BIVM: variants seen among roughly 807,000 people sequenced by gnomAD.
BIVM encodes the protein basic, immunoglobulin-like variable motif containing.
A neutral mutation model predicts 61.4 loss-of-function variants in BIVM; 31 were observed. That is an observed-to-expected ratio of 0.51 (90% CI 0.38 to 0.68). The LOEUF (loss-of-function observed/expected upper bound fraction) is 0.68, where lower values mean the gene tolerates loss of function less well. BIVM is among the 30% of genes least tolerant of loss of function. The pLI is 0.00. For missense variants in BIVM, 526 were observed against 596.0 expected (o/e 0.88, Z 1.22); for synonymous variants, 189 against 210.7 (o/e 0.90, Z 0.89).
chr13:102,815,174 TC>T (rs1219185080), intron 3 of BIVM, among the ~76,000 whole-genome samples: 1 of 152,222 alleles, frequency 6.6e-6, no homozygotes, highest in Non-Finnish European at 1.5e-5. Context: ...GTTCCTGAGT[TC>T]CAGCTGTTCG....
At chr13:102,822,201 A>G (rs757700763) in intron 7 of BIVM, 42 bp downstream of exon 7, 190 of 1,557,696 alleles carry the variant, frequency 1.2e-4, no homozygotes, top group Middle Eastern at 2.0e-4. Flanking sequence ...ACATACACAC[A>G]TGCACACACA....
At chr13:102,831,001 T>C (rs1179903809) in intron 7 of BIVM, among the ~76,000 whole-genome samples, 1 of 152,214 alleles carries the variant, frequency 6.6e-6, no homozygotes, top group Non-Finnish European at 1.5e-5. Context: ...TTTGCATTTT[T>C]AGAACTTGAT....
chr13:102,804,741 T>G (rs1271317817), intron 1 of BIVM, among the ~76,000 whole-genome samples: 1 of 152,216 alleles, frequency 6.6e-6, no homozygotes, highest in Non-Finnish European at 1.5e-5. Flanking sequence ...ATTACAGGCA[T>G]GAGCCACCAC....
rs56733171 is a variant in BIVM, at chr13:102,823,882, T to C, written c.901+1723T>C. 6.3e-3 allele frequency among the ~76,000 whole-genome samples: 963 copies of C among 152,340 alleles called. 7 individuals are homozygous for C. Among genetic ancestry groups the C allele is most frequent in the African/African-American group, 0.022 (897 of 41,576 alleles). ...TTAAATCTATTGAAACTTTTTCCTC[T>C]GTATTTGGTGTAATGTAGGAAATGT... On this transcript the variant is annotated intron_variant, in intron 7 of 10. Transcript: ENST00000257336.
chr13:102,837,351 T>C (rs1881549211), intron 9 of BIVM, among the ~76,000 whole-genome samples: 1 of 152,254 alleles, frequency 6.6e-6, no homozygotes, highest in Admixed American at 6.5e-5. Context: ...TATCTTTACT[T>C]AATTAGAGCT....
intron 3 of BIVM, among the ~76,000 whole-genome samples, chr13:102,810,050 G>C (rs566458475): frequency 6.6e-6 from 1 of 151,918 alleles, no homozygotes; most frequent in East Asian, 2.0e-4. Context: ...TGGGATTACA[G>C]GCGTGAGCCA....
intron 4 of BIVM, among the ~76,000 whole-genome samples, chr13:102,818,143 C>G (rs1441828293): frequency 6.6e-6 from 1 of 152,110 alleles, no homozygotes; most frequent in Non-Finnish European, 1.5e-5. Context: ...GGTGAAGGGT[C>G]TTTGAAAGAA....
intron 3 of BIVM, 75 bp from the exon 4 acceptor site, chr13:102,816,353 G>T (rs1050990527): frequency 4.4e-6 from 6 of 1,350,740 alleles, no homozygotes; most frequent in South Asian, 1.6e-5. Flanking sequence ...CTTAATTTTG[G>T]TGCATAATTA....
chr13:102,833,327 GTT>G (rs532303115), intron 8 of BIVM, among the ~76,000 whole-genome samples: 12 of 79,592 alleles, frequency 1.5e-4, no homozygotes, highest in East Asian at 3.5e-4. Flanking sequence ...GATAGGATGG[GTT>G]TTTTTTTTTT....
Position 102,824,934 on chromosome 13 carries a change from T to TTTAA in BIVM, c.901+2790_901+2793dup, listed in dbSNP as rs199619934. Reference sequence around the variant, plus strand: ...GCCACTGCACCTGGCTAATTTTTAATTTAATTAATTAATTAATTTTTTTTT... The same window carrying TTTAA: ...GCCACTGCACCTGGCTAATTTTTAATTTAATTAATTAATTAATTAATTTTTTTTT... On this transcript the variant is annotated intron_variant, in intron 7 of 10. Transcript: ENST00000257336. Among the ~76,000 whole-genome samples, 465 of 141,824 alleles carry TTTAA rather than the reference T, an allele frequency of 3.3e-3. 4 individuals carry two copies. The highest frequency in any genetic ancestry group is 0.011 in the African/African-American group (394 of 37,006). The allele number at this position is 141,824 out of a possible 152,430, so 93.0% of individuals were successfully genotyped here. A position where few individuals can be genotyped will look rare whatever the true frequency, so the allele number is the denominator to read the frequency against.
chr13:102,821,351 T>C (rs1270115518), intron 5 of BIVM, among the ~76,000 whole-genome samples: 1 of 152,170 alleles, frequency 6.6e-6, no homozygotes, highest in Non-Finnish European at 1.5e-5. Flanking sequence ...GTCAGCACTT[T>C]GGAAGGCCAA....
In BIVM at chr13:102,834,500, T is replaced by C. The variant is rs1881332330; in HGVS notation, c.1069T>C (p.Trp357Arg). 6.3e-7 allele frequency: 1 copy of C among 1,596,040 alleles called. No homozygotes were observed. Among genetic ancestry groups the C allele is most frequent in the Non-Finnish European group, 8.5e-7 (1 of 1,174,746 alleles). The change falls in exon 9 of 11, where the codon TGG becomes CGG. Residue 357 changes from tryptophan to arginine, a missense_variant. By Grantham distance (101) the Trp-to-Arg change is moderately radical (BLOSUM62 -3). Transcript: ENST00000257336. ...GPLSPQEVEY[W>R]ILIGESSRKH... Reference sequence around the variant, plus strand: ...TCTCTCACCACAGGAAGTTGAATATTGGATCTTAATTGGAGAATCAAGTAG... The same window carrying C: ...TCTCTCACCACAGGAAGTTGAATATCGGATCTTAATTGGAGAATCAAGTAG...
intron 1 of BIVM, among the ~76,000 whole-genome samples, chr13:102,799,808 G>A (rs1878623596): frequency 6.6e-6 from 1 of 152,250 alleles, no homozygotes; most frequent in South Asian, 2.1e-4. Flanking sequence ...GAAGCGCCAG[G>A]GAAAGAAGGG....
Position 102,839,968 on chromosome 13 carries a change from A to T in BIVM, c.*103A>T. 1 of 1,246,752 alleles carries T rather than the reference A, an allele frequency of 8.0e-7. No homozygotes were observed. Among genetic ancestry groups the T allele is most frequent in the East Asian group, 2.3e-5 (1 of 42,690 alleles). The allele number at this position is 1,246,752 out of a possible 1,614,324, so 77.2% of individuals were successfully genotyped here. A position where few individuals can be genotyped will look rare whatever the true frequency, so the allele number is the denominator to read the frequency against. On this transcript the variant is annotated 3_prime_UTR_variant, in exon 11 of 11. Transcript: ENST00000257336. Reference sequence around the variant, plus strand: ...TAGTAAGCCTACATTAAATAGGAGCAGATCTTGTGGTATAAAAAATAACCT... The same window carrying T: ...TAGTAAGCCTACATTAAATAGGAGCTGATCTTGTGGTATAAAAAATAACCT...
intron 3 of BIVM, among the ~76,000 whole-genome samples, chr13:102,815,181 G>A (rs1748519202): frequency 6.6e-6 from 1 of 152,142 alleles, no homozygotes; most frequent in Non-Finnish European, 1.5e-5. Flanking sequence ...AGTTCCAGCT[G>A]TTCGTAGGTG....
intron 7 of BIVM, among the ~76,000 whole-genome samples, chr13:102,825,298 A>G (rs1011516861): frequency 6.6e-6 from 1 of 150,672 alleles, no homozygotes; most frequent in African/African-American, 2.5e-5. Flanking sequence ...GGGGCTCACT[A>G]TATTGCCCAG....
intron 3 of BIVM, among the ~76,000 whole-genome samples, chr13:102,810,919 T>TA (rs2139164661): frequency 6.6e-6 from 1 of 152,196 alleles, no homozygotes; most frequent in African/African-American, 2.4e-5. Flanking sequence ...TTTGTAGAGA[T>TA]AGAGTCTCAC....
intron 6 of BIVM, 87 bp from the exon 7 acceptor site, chr13:102,821,978 G>C (rs1304842615): frequency 6.4e-7 from 1 of 1,550,962 alleles, no homozygotes; most frequent in East Asian, 2.2e-5. Context: ...ACCAACTTTG[G>C]GCTATGCCTG....
Position 102,822,157 on chromosome 13 carries a change from C to G in BIVM, c.899C>G (p.Thr300Ser), listed in dbSNP as rs144626485. 2.9e-5 allele frequency: 47 copies of G among 1,613,186 alleles called. No individual in the cohort carries two copies. The African/African-American group carries it at 5.2e-4, about 18-fold the overall frequency. Reference protein sequence around the residue: ...PHGKNKTAGETASGALSKLTR... With the variant: ...PHGKNKTAGESASGALSKLTR... Reference sequence around the variant, plus strand: ...GGGAAGAATAAAACAGCAGGAGAAACTGGTAGGTAAACATATAGAAGATTT... The same window carrying G: ...GGGAAGAATAAAACAGCAGGAGAAAGTGGTAGGTAAACATATAGAAGATTT... Residue 300 changes from threonine (T) to serine (S), a missense_variant and splice_region_variant, in exon 7 of 11, where the codon ACT (threonine) becomes AGT (serine). Thr to Ser is a moderately conservative substitution (Grantham distance 58). Coordinates refer to ENST00000257336, the MANE Select transcript of BIVM (RefSeq NM_017693.4).
Sources: allele counts gnomAD v4.1 joint callset (sites outside exome capture counted in the v4.1 genomes callset), GRCh38; gene constraint gnomAD v4.1.1; transcripts MANE v1.5; gene names NCBI Gene and HGNC (gene_info 2026-07-23, HGNC 2026-07-21).